The following HECW2 variants were observed in gnomAD, a reference collection of about 807,000 sequenced individuals.
The protein encoded by HECW2 is HECT, C2 and WW domain containing E3 ubiquitin protein ligase 2, also known as E3 ubiquitin-protein ligase HECW2.
A neutral mutation model predicts 175.2 loss-of-function variants in HECW2; 61 were observed. That is an observed-to-expected ratio of 0.35 (90% CI 0.28 to 0.43). The LOEUF is 0.43. Ranked by LOEUF, HECW2 falls within the 20% of genes least tolerant of loss-of-function variation. The pLI is 1.00. For synonymous variants in HECW2, 671 were observed against 731.0 expected (o/e 0.92, Z 1.32); for missense variants, 1,524 against 2,000.5 (o/e 0.76, Z 4.54).
intron 2 of HECW2, chr2:196,362,372 CACACACACAG>C (rs963682817): frequency 3.7e-5 from 5 of 136,984 alleles, no homozygotes; most frequent in African/African-American, 1.3e-4. Flanking sequence ...CACACACACA[CACACACACAG>C]AGTGGGCTGA....
chr2:196,362,872 A>G (rs1309873570), intron 2 of HECW2, among the ~76,000 whole-genome samples: 4 of 152,216 alleles, frequency 2.6e-5, no homozygotes, highest in Non-Finnish European at 5.9e-5. Flanking sequence ...ATCAAAGGCT[A>G]TAAGACCATC....
intron 17 of HECW2, among the ~76,000 whole-genome samples, chr2:196,261,225 T>C (rs1194087166): frequency 6.6e-6 from 1 of 152,230 alleles, no homozygotes; most frequent in Non-Finnish European, 1.5e-5. Flanking sequence ...TTAAGTAATG[T>C]ATATGTAAAT....
intron 2 of HECW2, among the ~76,000 whole-genome samples, chr2:196,386,869 C>T (rs1694365798): frequency 6.6e-6 from 1 of 152,168 alleles, no homozygotes; most frequent in Non-Finnish European, 1.5e-5. Flanking sequence ...ATTAACAACA[C>T]TCACTCACTG....
chr2:196,329,705 C>T, intron 4 of HECW2, 55 bp from the exon 5 acceptor site: 1 of 1,413,286 alleles, frequency 7.1e-7, no homozygotes, highest in Non-Finnish European at 1.0e-6. Flanking sequence ...GCCACTGGAT[C>T]TGACTAGGAA....
intron 1 of HECW2, among the ~76,000 whole-genome samples, chr2:196,448,029 A>G (rs1696237097): frequency 6.6e-6 from 1 of 152,232 alleles, no homozygotes; most frequent in African/African-American, 2.4e-5. Context: ...ACTGCACTCC[A>G]TCCTCGGCAA....
chr2:196,248,597 GACACAC>G (rs35800907), intron 19 of HECW2, among the ~76,000 whole-genome samples: 59 of 144,034 alleles, frequency 4.1e-4, no homozygotes, highest in African/African-American at 1.3e-3. Context: ...GAGACAGACA[GACACAC>G]ACACACACAC....
chr2:196,270,960 C>T (rs1246519526), intron 17 of HECW2, among the ~76,000 whole-genome samples: 1 of 152,186 alleles, frequency 6.6e-6, no homozygotes, highest in Non-Finnish European at 1.5e-5. Context: ...TCCCCAAGTG[C>T]TGAGATTACA....
chr2:196,306,554 C>T lies in HECW2; in HGVS notation c.2748G>A (p.Leu916=). The T allele has an allele frequency of 6.2e-7, 1 of 1,612,906 alleles. No homozygotes were observed. Among genetic ancestry groups the T allele is most frequent in the Non-Finnish European group, 8.5e-7 (1 of 1,179,474 alleles). Reference sequence around the variant, plus strand: ...GGAACTTCACGGGGGGAGACTGTAACAGCAACGTGATCCTGGATCTGGAGG... The same window carrying T: ...GGAACTTCACGGGGGGAGACTGTAATAGCAACGTGATCCTGGATCTGGAGG... The part of the protein sequence containing the change: ...HSTSRSRITL[L]LQSPPVKFLI... The change falls in exon 13 of 29, where the codon CTG becomes CTA. Residue 916 remains leucine (L), a synonymous_variant. Transcript: ENST00000644978.
At chr2:196,395,008 G>A (rs779868666) in intron 2 of HECW2, among the ~76,000 whole-genome samples, 4 of 152,132 alleles carry the variant, frequency 2.6e-5, no homozygotes, top group Non-Finnish European at 4.4e-5. Flanking sequence ...CTTGGTAGAA[G>A]GGGCCAGATA....
At chr2:196,496,520 A>G (rs931088526) in intron 1 of HECW2, among the ~76,000 whole-genome samples, 2 of 152,146 alleles carry the variant, frequency 1.3e-5, no homozygotes, top group Non-Finnish European at 2.9e-5. Flanking sequence ...TATAATTATC[A>G]CACATAAAGC....
At chr2:196,324,319 G>A (rs769748410) in intron 6 of HECW2, among the ~76,000 whole-genome samples, 8 of 152,034 alleles carry the variant, frequency 5.3e-5, no homozygotes, top group Non-Finnish European at 1.0e-4. Context: ...TTGACTTTCC[G>A]TAGTTCAAAT....
rs201404782 is a variant in HECW2 at position 196,581,253 on chromosome 2, G to GA, written c.-36+12254dup. On this transcript the variant is annotated intron_variant, in intron 1 of 28. Coordinates refer to ENST00000644978, the MANE Select transcript of HECW2 (RefSeq NM_001348768.2). ...TGAATGTACTAAAAAGTACTGAATT[G>GA]ACTGGGCATGATGGGTCACACCTGT... Among the ~76,000 whole-genome samples, 3 of 152,320 alleles carry GA rather than the reference G, an allele frequency of 2.0e-5. No homozygotes were observed. In the East Asian group the frequency reaches 5.8e-4, roughly 29 times the overall value.
At chr2:196,440,573 C>A (rs1207685371) in intron 1 of HECW2, among the ~76,000 whole-genome samples, 5 of 152,102 alleles carry the variant, frequency 3.3e-5, no homozygotes. Context: ...TATGGGAAAA[C>A]CAGTGTTACT....
chr2:196,551,720 T>A (rs1202332993), intron 1 of HECW2, among the ~76,000 whole-genome samples: 1 of 152,250 alleles, frequency 6.6e-6, no homozygotes, highest in African/African-American at 2.4e-5. Flanking sequence ...TAATTTCTTT[T>A]AAGCTTAGAT....
intron 1 of HECW2, among the ~76,000 whole-genome samples, chr2:196,483,254 A>G (rs1202643012): frequency 6.6e-6 from 1 of 152,222 alleles, no homozygotes; most frequent in East Asian, 1.9e-4. Context: ...TATTTACTCG[A>G]TGGATATTTA....
At chr2:196,567,507 C>T (rs1690227277) in intron 1 of HECW2, among the ~76,000 whole-genome samples, 1 of 152,082 alleles carries the variant, frequency 6.6e-6, no homozygotes, top group Admixed American at 6.6e-5. Flanking sequence ...AACTGGTGAC[C>T]CTTGTTTGTC....
At chr2:196,456,142 C>T (rs1276067612) in intron 1 of HECW2, among the ~76,000 whole-genome samples, 1 of 152,050 alleles carries the variant, frequency 6.6e-6, no homozygotes, top group Non-Finnish European at 1.5e-5. Context: ...ATGAGGAATA[C>T]TGAAGTCACA....
intron 14 of HECW2, among the ~76,000 whole-genome samples, chr2:196,281,520 G>A (rs1167193911): frequency 6.6e-6 from 1 of 151,542 alleles, no homozygotes; most frequent in Admixed American, 6.6e-5. Flanking sequence ...GACACCTGTA[G>A]TCCCAGCTAC....
intron 1 of HECW2, among the ~76,000 whole-genome samples, chr2:196,460,138 T>C (rs1696681547): frequency 6.6e-6 from 1 of 152,118 alleles, no homozygotes; most frequent in South Asian, 2.1e-4. Context: ...TCCAAATTTA[T>C]GAACCTCATC....
Sources: allele counts gnomAD v4.1 joint callset (sites outside exome capture counted in the v4.1 genomes callset), GRCh38; gene constraint gnomAD v4.1.1; transcripts MANE v1.5; gene names NCBI Gene and HGNC (gene_info 2026-07-23, HGNC 2026-07-21).